TSPAN4: variants seen among roughly 807,000 people sequenced by gnomAD.
TSPAN4 encodes tetraspanin 4.
Under a neutral mutation model 31.5 loss-of-function variants are expected in TSPAN4, and 38 were observed. The ratio of observed to expected loss-of-function variants is 1.21; its 90% CI spans 0.93 to 1.58. The LOEUF (loss-of-function observed/expected upper bound fraction) is 1.58. Among genes scored for constraint, TSPAN4 ranks in the 40% most tolerant of loss-of-function variants. TSPAN4 has a pLI of 0.00. For missense variants in TSPAN4, 330 were observed against 317.3 expected (o/e 1.04, Z -0.30); for synonymous variants, 186 against 144.6 (o/e 1.29, Z -2.06).
In TSPAN4 at chr11:865,774, G is replaced by C. The variant is rs767570185; in HGVS notation, c.513G>C (p.Leu171Phe). ...CGCGGGTACCTGACTCCTGCTGCTT[G>C]GAGTTCAGTGAGAGCTGTGGGCTGC... is the stretch of plus-strand genomic sequence containing the variant. ...NATRVPDSCC[L>F]EFSESCGLHA... is the part of the protein sequence containing the mutation. Residue 171 changes from leucine to phenylalanine, a missense_variant, in exon 7 of 9, where the codon TTG (leucine) becomes TTC (phenylalanine). Physicochemically the swap from Leu to Phe is conservative, Grantham distance 22. Coordinates refer to ENST00000397397, the MANE Select transcript of TSPAN4 (RefSeq NM_003271.5). 3.1e-6 allele frequency: 5 copies of C among 1,612,838 alleles called. No individual in the cohort carries two copies. The South Asian group carries it at 4.4e-5, about 14-fold the overall frequency.
At chr11:863,262 G>C (rs1848576590) in intron 4 of TSPAN4, 1 of 152,556 alleles carries the variant, frequency 6.6e-6, no homozygotes, top group Non-Finnish European at 1.5e-5. Flanking sequence ...GTTAATCACA[G>C]ATAATTAAAA....
chr11:859,300 G>A (rs1177801950), intron 3 of TSPAN4, among the ~76,000 whole-genome samples: 1 of 43,018 alleles, frequency 2.3e-5, no homozygotes, highest in Non-Finnish European at 4.2e-5. Flanking sequence ...CGTGCACCCC[G>A]GCTCACACGC....
At chr11:849,682 G>C (rs1436421848) in intron 2 of TSPAN4, 1 of 151,470 alleles carries the variant, frequency 6.6e-6, no homozygotes, top group African/African-American at 2.4e-5. Flanking sequence ...CGCGGCTGGT[G>C]CGTTGCCGGG....
At chr11:845,843 G>A (rs1488474430) in intron 1 of TSPAN4, among the ~76,000 whole-genome samples, 4 of 152,134 alleles carry the variant, frequency 2.6e-5, no homozygotes, top group Admixed American at 2.6e-4. Context: ...GGGTATCAGA[G>A]TGGTGTCTCC....
intron 3 of TSPAN4, among the ~76,000 whole-genome samples, chr11:856,559 C>A (rs28484939): frequency 1.3e-5 from 2 of 152,358 alleles, no homozygotes; most frequent in East Asian, 3.9e-4. Flanking sequence ...TGGCCTGCGG[C>A]GGGGCAGCAG....
At chr11:866,043 T>C in intron 8 of TSPAN4, 42 bp downstream of exon 8, 2 of 1,601,424 alleles carry the variant, frequency 1.2e-6, no homozygotes, top group Non-Finnish European at 1.7e-6. Context: ...CCCACTTTGT[T>C]AGGACCTTCT....
In TSPAN4 at chr11:853,859, C is replaced by T. The variant is rs192251012; in HGVS notation, c.63+3492C>T. The stretch of plus-strand genomic sequence containing the variant: ...GGAAGCAGGCTGCCTGTGGTGGGGC[C>T]GGGGTGTCTCCTGGGAGCCTCATTC... On this transcript the variant is annotated intron_variant, in intron 3 of 8. Transcript: ENST00000397397. 1.6e-4 allele frequency among the ~76,000 whole-genome samples: 24 copies of T among 152,292 alleles called. No individual in the cohort carries two copies. The East Asian group carries it at 3.3e-3, about 21-fold the overall frequency.
intron 3 of TSPAN4, among the ~76,000 whole-genome samples, chr11:851,049 G>C (rs182839807): frequency 1.3e-5 from 2 of 152,268 alleles, no homozygotes; most frequent in African/African-American, 4.8e-5. Flanking sequence ...AGTGGTGTCC[G>C]GGGGGGCCCT....
intron 3 of TSPAN4, chr11:858,620 A>T (rs1589779962): frequency 8.6e-6 from 1 of 116,100 alleles, no homozygotes; most frequent in Non-Finnish European, 1.7e-5. Context: ...GCTCACACGC[A>T]CTCCGGCCCA....
chr11:851,375 C>G (rs1309470593), intron 3 of TSPAN4, among the ~76,000 whole-genome samples: 5 of 152,192 alleles, frequency 3.3e-5, no homozygotes, highest in African/African-American at 1.2e-4. Flanking sequence ...GGCCTCAGCT[C>G]CTGCCTAGGC....
chr11:859,017 C>A (rs1335460597), intron 3 of TSPAN4, among the ~76,000 whole-genome samples: 1 of 136,768 alleles, frequency 7.3e-6, no homozygotes, highest in African/African-American at 2.8e-5. Flanking sequence ...TCCCCGCTCA[C>A]ATGCACCCCA....
rs749402891 is a variant in TSPAN4, at chr11:866,579, C to T, written c.666C>T (p.Phe222=). 18 of 1,613,362 alleles carry T rather than the reference C, an allele frequency of 1.1e-5. No homozygotes were observed. Among genetic ancestry groups the T allele is most frequent in the East Asian group, 6.7e-5 (3 of 44,862 alleles). The change falls in exon 9 of 9, where the codon TTC becomes TTT. Residue 222 remains phenylalanine (F), a synonymous_variant. Transcript: ENST00000397397. ...TALVQILGLT[F]AMTMYCQVVK... ...ACCTACAGATCCTGGGCCTGACCTT[C>T]GCCATGACCATGTACTGCCAAGTGG...
At chr11:864,251 C>A in intron 4 of TSPAN4, 186 bp from the exon 5 acceptor site, 2 of 685,278 alleles carry the variant, frequency 2.9e-6, no homozygotes, top group Non-Finnish European at 5.0e-6. Context: ...AGCCACAGTC[C>A]CTGGACCTGG....
rs1156322014 is a variant in TSPAN4 at position 865,630 on chromosome 11, G to A, written c.432+16G>A. ...CCAGACCGACGTGAGGCGTGGGCAG[G>A]TGGGCGGGGTCGGCGGGTGCCCCCT... On this transcript the variant is annotated intron_variant, in intron 6 of 8. Transcript: ENST00000397397. The A allele has an allele frequency of 1.2e-6, 2 of 1,612,568 alleles. No homozygotes were observed. Among genetic ancestry groups the A allele is most frequent in the African/African-American group, 2.7e-5 (2 of 74,924 alleles).
At chr11:856,528 C>T (rs963238185) in intron 3 of TSPAN4, among the ~76,000 whole-genome samples, 3 of 152,242 alleles carry the variant, frequency 2.0e-5, no homozygotes, top group African/African-American at 7.2e-5. Flanking sequence ...GCGGGGTCAA[C>T]CTCCCACCTG....
chr11:852,408 A>G (rs895440655), intron 3 of TSPAN4, among the ~76,000 whole-genome samples: 5 of 152,054 alleles, frequency 3.3e-5, no homozygotes, highest in African/African-American at 7.2e-5. Flanking sequence ...AGGCGGCCCC[A>G]ATTATTTTTT....
intron 3 of TSPAN4, among the ~76,000 whole-genome samples, chr11:860,734 A>AC (rs1162423718): frequency 6.6e-6 from 1 of 151,396 alleles, no homozygotes; most frequent in Non-Finnish European, 1.5e-5. Flanking sequence ...TCCCCCGGGA[A>AC]CCCCCAGAGC....
intron 4 of TSPAN4, chr11:863,822 C>G (rs1420025983): frequency 6.4e-6 from 1 of 156,670 alleles, no homozygotes; most frequent in Non-Finnish European, 1.4e-5. Context: ...TGTCACTGAC[C>G]CCCGCATGGA....
chr11:858,671 G>A (rs1412639619), intron 3 of TSPAN4: 32 of 121,522 alleles, frequency 2.6e-4, no homozygotes, highest in Middle Eastern at 7.8e-3. Flanking sequence ...CAGTTCCCAC[G>A]CACCCCAGGC....
Sources: gnomAD v4.1 joint callset for allele counts (sites outside exome capture counted in the v4.1 genomes callset) on GRCh38, gnomAD v4.1.1 for gene constraint, MANE v1.5 for transcripts, NCBI Gene and HGNC (gene_info 2026-07-23, HGNC 2026-07-21) for gene names.